Variants in TENM2 observed in about 807,000 individuals in gnomAD.
TENM2 encodes teneurin transmembrane protein 2.
Under a neutral mutation model 245.2 loss-of-function variants are expected in TENM2, and 52 were observed. The observed-to-expected ratio is 0.21, with a 90% CI of 0.17 to 0.27. The LOEUF (loss-of-function observed/expected upper bound fraction) is 0.27. Ranked by LOEUF, TENM2 falls within the 10% of genes least tolerant of loss-of-function variation. The pLI, the probability that TENM2 is intolerant of heterozygous loss-of-function variation, is 1.00. For missense variants in TENM2, 3,046 were observed against 3,666.8 expected (o/e 0.83, Z 4.37); for synonymous variants, 1,363 against 1,438.9 (o/e 0.95, Z 1.19).
intron 9 of TENM2, among the ~76,000 whole-genome samples, chr5:168,104,745 C>T (rs573730576): frequency 2.2e-4 from 33 of 152,140 alleles, no homozygotes; most frequent in Non-Finnish European, 3.7e-4. Context: ...GCGTTTATTC[C>T]GCAGCCCTCA....
chr5:167,976,051 C>A (rs548988971), intron 4 of TENM2, among the ~76,000 whole-genome samples: 1 of 152,056 alleles, frequency 6.6e-6, no homozygotes. Context: ...TTTTGTTTTC[C>A]TTCCTCGGCC....
chr5:168,230,063 C>A (rs1281314975), intron 25 of TENM2, among the ~76,000 whole-genome samples: 3 of 152,152 alleles, frequency 2.0e-5, no homozygotes, highest in African/African-American at 7.2e-5. Context: ...TGGCTATAAT[C>A]CCAACTCCAA....
chr5:167,875,574 G>A (rs1773351226), intron 2 of TENM2, among the ~76,000 whole-genome samples: 1 of 152,118 alleles, frequency 6.6e-6, no homozygotes, highest in African/African-American at 2.4e-5. Flanking sequence ...ATTTCATTCT[G>A]GCTGCTGTGG....
At chr5:168,013,911 G>A (rs902287011) in intron 5 of TENM2, among the ~76,000 whole-genome samples, 1 of 152,188 alleles carries the variant, frequency 6.6e-6, no homozygotes, top group Non-Finnish European at 1.5e-5. Flanking sequence ...GCTTCTAGGA[G>A]TTCTTTGGTT....
chr5:167,283,602 C>G (rs1771177459), upstream of TENM2, among the ~76,000 whole-genome samples: 1 of 152,198 alleles, frequency 6.6e-6, no homozygotes, highest in Admixed American at 6.5e-5. Context: ...TATAGATCTG[C>G]TCCCCAAGTA....
At chr5:167,153,233 C>T in the TENM2 span, among the ~76,000 whole-genome samples, 1 of 151,798 alleles carries the variant, frequency 6.6e-6, no homozygotes, top group East Asian at 1.9e-4. Flanking sequence ...TACTCATTGC[C>T]TGTTGTGAAC....
At chr5:168,016,579 C>T (rs1294809330) in intron 5 of TENM2, among the ~76,000 whole-genome samples, 4 of 152,208 alleles carry the variant, frequency 2.6e-5, no homozygotes, top group African/African-American at 7.2e-5. Flanking sequence ...CCCATGTTAA[C>T]GTAGGTTCTG....
At chr5:168,162,886 A>C in intron 13 of TENM2, 129 bp downstream of exon 15, 1 of 1,159,516 alleles carries the variant, frequency 8.6e-7, no homozygotes, top group Non-Finnish European at 1.2e-6. Flanking sequence ...ATTTTCTTTG[A>C]AGCAAATGCA....
At chr5:168,199,307 C>T (rs866709618) in intron 16 of TENM2, among the ~76,000 whole-genome samples, 193 bp downstream of exon 18, 1 of 152,214 alleles carries the variant, frequency 6.6e-6, no homozygotes, top group South Asian at 2.1e-4. Context: ...TGCAGATAGT[C>T]GTTCAAGACT....
At chr5:168,207,253 A>G (rs1181736121) in intron 19 of TENM2, among the ~76,000 whole-genome samples, 4 of 152,144 alleles carry the variant, frequency 2.6e-5, no homozygotes, top group African/African-American at 9.7e-5. Context: ...CTAGGTGCTC[A>G]AGATAGGTTG....
chr5:168,257,709 G>A (rs367549367), intron 27 of TENM2, among the ~76,000 whole-genome samples: 29 of 150,556 alleles, frequency 1.9e-4, no homozygotes, highest in African/African-American at 6.4e-4. Context: ...TCTGCCTCCC[G>A]GGTTCAAGCG....
At chr5:167,405,266 G>A (rs570563956) in intron 2 of TENM2, among the ~76,000 whole-genome samples, 19 of 151,752 alleles carry the variant, frequency 1.3e-4, no homozygotes, top group East Asian at 7.8e-4. Flanking sequence ...TATGATTTCC[G>A]AATAGCATGG....
At chr5:167,519,973 C>A (rs1476991077) in intron 2 of TENM2, among the ~76,000 whole-genome samples, 2 of 152,084 alleles carry the variant, frequency 1.3e-5, no homozygotes, top group Non-Finnish European at 1.5e-5. Context: ...TTTGAAAATA[C>A]CGAAAACATT....
At chr5:167,527,215 A>G (rs1261074892) in intron 2 of TENM2, among the ~76,000 whole-genome samples, 2 of 152,162 alleles carry the variant, frequency 1.3e-5, no homozygotes, top group Non-Finnish European at 2.9e-5. Flanking sequence ...TGCAAAAAGG[A>G]CATATCTGAA....
At chr5:168,089,235 G>C (rs979963856) in intron 7 of TENM2, among the ~76,000 whole-genome samples, 1 of 152,194 alleles carries the variant, frequency 6.6e-6, no homozygotes, top group Admixed American at 6.5e-5. Context: ...GTTGTCCCCC[G>C]CTTCTCATTC....
At chr5:167,499,494 G>A (rs536403247) in intron 2 of TENM2, among the ~76,000 whole-genome samples, 2 of 152,284 alleles carry the variant, frequency 1.3e-5, no homozygotes, top group South Asian at 2.1e-4. Context: ...GGGGTAGATA[G>A]GATTATAAAA....
intron 2 of TENM2, among the ~76,000 whole-genome samples, chr5:167,822,026 ATTTTGTTTTG>A (rs201426886): frequency 1.1e-4 from 17 of 151,816 alleles, no homozygotes; most frequent in South Asian, 1.0e-3. Flanking sequence ...TTGTTTTTTC[ATTTTGTTTTG>A]TTTTGTTTTG....
intron 2 of TENM2, among the ~76,000 whole-genome samples, chr5:167,514,540 G>A (rs1037687638): frequency 2.0e-5 from 3 of 152,218 alleles, no homozygotes; most frequent in African/African-American, 7.2e-5. Flanking sequence ...GATGCCCATT[G>A]CCATTAAGTA....
the TENM2 span, among the ~76,000 whole-genome samples, chr5:167,186,749 G>C: frequency 1.1e-4 from 17 of 152,322 alleles, no homozygotes; most frequent in East Asian, 2.3e-3. Flanking sequence ...CCAGCCCCTG[G>C]CTAGAGATTA....
Sources: allele counts gnomAD v4.1 joint callset (sites outside exome capture counted in the v4.1 genomes callset), GRCh38; gene constraint gnomAD v4.1.1; transcripts MANE v1.5; gene names NCBI Gene and HGNC (gene_info 2026-07-23, HGNC 2026-07-21).